FBXO4: variants seen among roughly 807,000 people sequenced by gnomAD.
FBXO4 encodes F-box only protein 4.
Under a neutral mutation model 43.7 loss-of-function variants are expected in FBXO4, and 36 were observed. The observed-to-expected ratio is 0.82, with a 90% confidence interval of 0.63 to 1.09. The LOEUF is 1.09. Among genes scored for constraint, FBXO4 ranks in the 50% least tolerant of loss-of-function variants. The pLI, the probability that FBXO4 is intolerant of heterozygous loss-of-function variation, is 0.00. For missense variants in FBXO4, 435 were observed against 474.1 expected (o/e 0.92, Z 0.77); for synonymous variants, 180 against 165.6 (o/e 1.09, Z -0.67).
chr5:41,968,505 G>C, the FBXO4 span: 1 of 152,240 alleles, frequency 6.6e-6, no homozygotes, highest in Non-Finnish European at 1.5e-5. Context: ...AGTATTAATG[G>C]GATTAGCTGT....
rs964803854 is a variant in FBXO4, at chr5:41,934,114, T to C, written c.723-19T>C. ...GTTTAGTGTCTTTTTATATTCTGTC[T>C]TTACAATTTTTTTTCTAGAAAGGAA... On this transcript the variant is annotated intron_variant, in intron 4 of 6. Transcript: ENST00000281623. 1.2e-6 allele frequency: 2 copies of C among 1,613,442 alleles called. No individual in the cohort carries two copies. Among genetic ancestry groups the C allele is most frequent in the Non-Finnish European group, 1.7e-6 (2 of 1,179,670 alleles).
In FBXO4 at chr5:41,934,022, G is replaced by C. The variant is rs993769148; in HGVS notation, c.722+1G>C. 1 of 1,613,482 alleles carries C rather than the reference G, an allele frequency of 6.2e-7. No homozygotes were observed. The highest frequency in any genetic ancestry group is 8.5e-7 in the Non-Finnish European group (1 of 1,179,688). ...TTCTAATCTTATATTCAACTACCAGGTAAGGCTACATACTTGGTGGCTTAA... is the reference window on the plus strand; with the variant it reads ...TTCTAATCTTATATTCAACTACCAGCTAAGGCTACATACTTGGTGGCTTAA... On this transcript the variant is annotated splice_donor_variant, in intron 4 of 6. Coordinates refer to ENST00000281623, the MANE Select transcript of FBXO4 (RefSeq NM_012176.3). LOFTEE classifies it high-confidence loss of function.
At chr5:41,947,906 T>C in the FBXO4 span, among the ~76,000 whole-genome samples, 3 of 152,120 alleles carry the variant, frequency 2.0e-5, no homozygotes, top group Non-Finnish European at 4.4e-5. Context: ...AAGTGTTGAC[T>C]CACCCAAGAC....
the FBXO4 span, among the ~76,000 whole-genome samples, chr5:41,953,779 G>A: frequency 6.6e-6 from 1 of 151,514 alleles, no homozygotes; most frequent in South Asian, 2.1e-4. Context: ...GTGTCTTTTG[G>A]CTGCATAAAT....
At position 41,930,227 on chromosome 5, in the gene FBXO4, T is replaced by C. The variant is rs1279686602; in HGVS notation, c.646+310T>C. 4.0e-5 allele frequency: 10 copies of C among 249,470 alleles called. No individual in the cohort carries two copies. The Admixed American group carries it at 5.0e-4, about 13-fold the overall frequency. The allele number at this position is 249,470 out of a possible 1,614,324, so 15.5% of individuals were successfully genotyped here. On this transcript the variant is annotated intron_variant, in intron 3 of 6. Transcript: ENST00000281623. Reference sequence around the variant, plus strand: ...TCATGTTTGAAAAAGCAGAAAAAATTGAGCATCTGTGTGGAGAGTATTTTG... The same window carrying C: ...TCATGTTTGAAAAAGCAGAAAAAATCGAGCATCTGTGTGGAGAGTATTTTG...
At chr5:41,964,438 G>A in the FBXO4 span, among the ~76,000 whole-genome samples, 1 of 151,752 alleles carries the variant, frequency 6.6e-6, no homozygotes, top group South Asian at 2.1e-4. Flanking sequence ...TAATCAGAAA[G>A]TCTGATTAAA....
the FBXO4 span, among the ~76,000 whole-genome samples, chr5:41,976,834 C>T: frequency 6.6e-6 from 1 of 152,240 alleles, no homozygotes; most frequent in Non-Finnish European, 1.5e-5. Flanking sequence ...CTCCACATTT[C>T]CTCTTCACAC....
chr5:41,978,467 T>G, the FBXO4 span, among the ~76,000 whole-genome samples: 5 of 152,136 alleles, frequency 3.3e-5, 1 homozygote, highest in African/African-American at 7.2e-5. Context: ...AGAAAAGAAT[T>G]TATAATCTCT....
chr5:41,967,222 T>G, the FBXO4 span: 1 of 496,128 alleles, frequency 2.0e-6, no homozygotes. Flanking sequence ...GCAATTATGG[T>G]ATTCTTCATT....
chr5:42,014,892 C>T, the FBXO4 span, among the ~76,000 whole-genome samples: 5 of 152,118 alleles, frequency 3.3e-5, no homozygotes, highest in Non-Finnish European at 5.9e-5. Context: ...AATTACCTCA[C>T]AAGCTTTGTT....
the FBXO4 span, among the ~76,000 whole-genome samples, chr5:41,984,070 AAAATAGTAAATC>A: frequency 2.0e-5 from 3 of 152,124 alleles, no homozygotes; most frequent in African/African-American, 7.2e-5. Flanking sequence ...TAGTATATAA[AAAATAGTAAATC>A]AAATAGTAAA....
the FBXO4 span, among the ~76,000 whole-genome samples, chr5:42,005,753 A>C: frequency 6.6e-6 from 1 of 152,152 alleles, no homozygotes; most frequent in Non-Finnish European, 1.5e-5. Flanking sequence ...GGGGCAACTG[A>C]GAATTTTTAA....
At chr5:41,988,194 AC>A in the FBXO4 span, among the ~76,000 whole-genome samples, 4 of 152,178 alleles carry the variant, frequency 2.6e-5, no homozygotes, top group Admixed American at 6.5e-5. Context: ...TGGATTGTGA[AC>A]TTCACATGTC....
At chr5:41,929,976 A>C in intron 3 of FBXO4, 59 bp downstream of exon 3, 1 of 1,293,614 alleles carries the variant, frequency 7.7e-7, no homozygotes, top group Non-Finnish European at 1.1e-6. Context: ...ATTCTTGTTA[A>C]AAAGAAAGAA....
At chr5:42,027,872 C>CA in the FBXO4 span, among the ~76,000 whole-genome samples, 1 of 151,952 alleles carries the variant, frequency 6.6e-6, no homozygotes, top group South Asian at 2.1e-4. Context: ...CGTTTGGTTA[C>CA]ATTCCATTGT....
chr5:41,936,211 A>T (rs115770931), intron 5 of FBXO4, among the ~76,000 whole-genome samples: 1 of 152,236 alleles, frequency 6.6e-6, no homozygotes, highest in African/African-American at 2.4e-5. Flanking sequence ...ACTGGACCAG[A>T]GATGGTCAGC....
the FBXO4 span, among the ~76,000 whole-genome samples, chr5:41,964,135 A>G: frequency 6.6e-6 from 1 of 152,210 alleles, no homozygotes; most frequent in Non-Finnish European, 1.5e-5. Context: ...AGAAAGATGT[A>G]ATTTTCAAAT....
the FBXO4 span, among the ~76,000 whole-genome samples, chr5:42,010,193 G>A: frequency 6.6e-6 from 1 of 152,080 alleles, no homozygotes; most frequent in East Asian, 1.9e-4. Flanking sequence ...CTATGCTGTA[G>A]CATGTCAGAA....
At chr5:42,018,828 A>T in the FBXO4 span, among the ~76,000 whole-genome samples, 65 of 152,334 alleles carry the variant, frequency 4.3e-4, no homozygotes, top group African/African-American at 1.5e-3. Flanking sequence ...CAAAGAGATC[A>T]AGCAGATTTT....
Sources: gnomAD v4.1 joint callset for allele counts (sites outside exome capture counted in the v4.1 genomes callset) on GRCh38, gnomAD v4.1.1 for gene constraint, MANE v1.5 for transcripts, NCBI Gene and HGNC (gene_info 2026-07-23, HGNC 2026-07-21) for gene names.